DNAH12: variants seen among roughly 807,000 people sequenced by gnomAD.
DNAH12 encodes the protein dynein axonemal heavy chain 12.
Under a neutral mutation model 371.5 loss-of-function variants are expected in DNAH12, and 285 were observed. The ratio of observed to expected loss-of-function variants is 0.77; its 90% CI spans 0.70 to 0.85. DNAH12 has a LOEUF of 0.85. Ranked by LOEUF, DNAH12 falls within the 40% of genes least tolerant of loss-of-function variation. DNAH12 has a pLI of 0.00. For missense variants in DNAH12, 3,611 were observed against 3,689.4 expected, an observed-to-expected ratio of 0.98 and a Z score of 0.55; for synonymous variants, 1,200 against 1,213.0, an observed-to-expected ratio of 0.99 and a Z score of 0.22.
chr3:57,428,272 G>A, intron 34 of DNAH12: 4 of 853,566 alleles, frequency 4.7e-6, no homozygotes, highest in Non-Finnish European at 6.4e-6. Flanking sequence ...TGACAGCCCT[G>A]GGAAGCTAAT....
intron 61 of DNAH12, 43 bp downstream of exon 61, chr3:57,334,729 AACAAGTTTAC>A (rs1336305204): frequency 1.1e-5 from 17 of 1,513,734 alleles, no homozygotes; most frequent in Non-Finnish European, 1.4e-5. Flanking sequence ...TAAATTGAAG[AACAAGTTTAC>A]ATATTGCCAT....
At chr3:57,361,269 G>A (rs928639047) in intron 58 of DNAH12, among the ~76,000 whole-genome samples, 3 of 151,492 alleles carry the variant, frequency 2.0e-5, no homozygotes, top group South Asian at 2.1e-4. Context: ...AGAATTCCTT[G>A]AACCCGGAGG....
chr3:57,359,699 A>C (rs1421229649), intron 58 of DNAH12, among the ~76,000 whole-genome samples: 1 of 152,152 alleles, frequency 6.6e-6, no homozygotes, highest in African/African-American at 2.4e-5. Context: ...CAAAAATAAA[A>C]AAGACTAAAC....
intron 39 of DNAH12, among the ~76,000 whole-genome samples, chr3:57,411,934 A>G (rs1247064316): frequency 1.3e-5 from 2 of 152,238 alleles, no homozygotes; most frequent in African/African-American, 4.8e-5. Context: ...GGCTTACTAT[A>G]AAACTACAGT....
At chr3:57,324,620 T>C (rs1376936867) in intron 62 of DNAH12, among the ~76,000 whole-genome samples, 1 of 152,102 alleles carries the variant, frequency 6.6e-6, no homozygotes, top group Non-Finnish European at 1.5e-5. Context: ...ACAGCTCCGG[T>C]CTACAGCTCC....
At chr3:57,390,044 C>T (rs951853597) in intron 45 of DNAH12, among the ~76,000 whole-genome samples, 1 of 149,216 alleles carries the variant, frequency 6.7e-6, no homozygotes. Flanking sequence ...CCATGTTGGC[C>T]AGGATGCTCT....
chr3:57,515,568 A>G (rs1293888337), intron 4 of DNAH12, among the ~76,000 whole-genome samples: 1 of 152,062 alleles, frequency 6.6e-6, no homozygotes, highest in Non-Finnish European at 1.5e-5. Context: ...CATGATCACA[A>G]CACTGCTCTC....
At chr3:57,438,725 G>T (rs930754982) in intron 29 of DNAH12, among the ~76,000 whole-genome samples, 1 of 151,916 alleles carries the variant, frequency 6.6e-6, no homozygotes, top group Non-Finnish European at 1.5e-5. Flanking sequence ...GGCCGAGGTG[G>T]GTGGATCATT....
chr3:57,515,729 C>T (rs890899125), intron 4 of DNAH12, among the ~76,000 whole-genome samples: 1 of 151,958 alleles, frequency 6.6e-6, no homozygotes, highest in Non-Finnish European at 1.5e-5. Flanking sequence ...AAAGTTCTTT[C>T]TTACTACAGA....
At chr3:57,383,242 T>A (rs2063432596) in intron 49 of DNAH12, among the ~76,000 whole-genome samples, 1 of 152,208 alleles carries the variant, frequency 6.6e-6, no homozygotes, top group Non-Finnish European at 1.5e-5. Flanking sequence ...CCCTGAAGAA[T>A]CTTTGTCTAC....
chr3:57,446,518 G>A lies in DNAH12; in HGVS notation c.3939+19C>T, dbSNP rs1340791166. Reference sequence around the variant, plus strand: ...TAAGTTTGAAACATTTAATATTATTGATTCAGCAATTTAACTACCTTTCCC... The same window carrying A: ...TAAGTTTGAAACATTTAATATTATTAATTCAGCAATTTAACTACCTTTCCC... On this transcript the variant is annotated intron_variant, in intron 26 of 73. Transcript: ENST00000495027. 3 of 1,513,686 alleles carry A rather than the reference G, an allele frequency of 2.0e-6. No homozygotes were observed. The highest frequency in any genetic ancestry group is 2.7e-6 in the Non-Finnish European group (3 of 1,129,480). 93.8% of individuals were successfully genotyped at this position (1,513,686 alleles called of 1,614,324 possible).
intron 17 of DNAH12, among the ~76,000 whole-genome samples, chr3:57,464,549 C>T (rs1006763220): frequency 6.6e-6 from 1 of 152,072 alleles, no homozygotes. Flanking sequence ...ACAAGCCAGA[C>T]AAAAAACACT....
At chr3:57,449,882 G>A (rs2065697203) in intron 25 of DNAH12, among the ~76,000 whole-genome samples, 1 of 152,218 alleles carries the variant, frequency 6.6e-6, no homozygotes, top group Admixed American at 6.5e-5. Context: ...CGAGGGCTCT[G>A]AGGACTGCCA....
intron 43 of DNAH12, among the ~76,000 whole-genome samples, chr3:57,394,939 G>A (rs1387617576): frequency 1.3e-5 from 2 of 152,064 alleles, no homozygotes; most frequent in Non-Finnish European, 2.9e-5. Flanking sequence ...ACTTGTATAG[G>A]CTTGTTAGAA....
chr3:57,508,212 A>AC (rs370625944), intron 7 of DNAH12, among the ~76,000 whole-genome samples, 170 bp downstream of exon 7: 23 of 150,262 alleles, frequency 1.5e-4, no homozygotes, highest in South Asian at 4.2e-4. Context: ...AAAAAAAAAA[A>AC]AACCAAAAAA....
intron 37 of DNAH12, among the ~76,000 whole-genome samples, chr3:57,415,789 C>CTTTTTTTTTTT: frequency 8.4e-6 from 1 of 119,400 alleles, no homozygotes. Flanking sequence ...ATTTTTTATT[C>CTTTTTTTTTTT]TTTTTTTTTT....
At chr3:57,306,584 GA>G (rs1467951742) in intron 69 of DNAH12, among the ~76,000 whole-genome samples, 1 of 151,886 alleles carries the variant, frequency 6.6e-6, no homozygotes, top group Non-Finnish European at 1.5e-5. Context: ...ACAAGTATAG[GA>G]CACTGCTACT....
rs1251261590 is a variant in DNAH12, at chr3:57,510,917, T to C, written c.342A>G (p.Glu114=). 1 of 1,613,960 alleles carries C rather than the reference T, an allele frequency of 6.2e-7. No homozygotes were observed. Among genetic ancestry groups the C allele is most frequent in the Non-Finnish European group, 8.5e-7 (1 of 1,180,008 alleles). The change falls in exon 5 of 74, where the codon GAA becomes GAG. Residue 114 remains glutamate, a synonymous_variant. Coordinates refer to ENST00000495027, the MANE Select transcript of DNAH12 (RefSeq NM_001366028.2). ...TCAGCCTTAACATGTGATCCAGCCA[T>C]TCCTGCTGAATAGGTACTAAAGGAC... ...ESSPLVPIQQ[E]WLDHMLRLIP...
At position 57,309,728 on chromosome 3, in the gene DNAH12, T is replaced by C. The variant is rs1559542065; in HGVS notation, c.11023A>G (p.Thr3675Ala). The C allele has an allele frequency of 6.4e-7, 1 of 1,550,802 alleles. No homozygotes were observed. Among genetic ancestry groups the C allele is most frequent in the African/African-American group, 1.4e-5 (1 of 73,138 alleles). The change falls in exon 68 of 74, where the codon ACA becomes GCA. Residue 3675 changes from threonine to alanine, a missense_variant. Thr to Ala is a moderately conservative substitution (Grantham distance 58, BLOSUM62 0). Transcript: ENST00000495027. ...LLLTQGGSKQ[T>A]GASGSTDQIL... ...TGATCAGTACTTCCTGAGGCTCCTG[T>C]CTGTTTGGAGCCTCCCTGGGTGAGG...
Sources: allele counts gnomAD v4.1 joint callset (sites outside exome capture counted in the v4.1 genomes callset), GRCh38; gene constraint gnomAD v4.1.1; transcripts MANE v1.5; gene names NCBI Gene and HGNC (gene_info 2026-07-23, HGNC 2026-07-21).